The following PTPRD variants were observed in gnomAD, a reference collection of about 807,000 sequenced individuals.
PTPRD encodes protein tyrosine phosphatase receptor type D.
A neutral mutation model predicts 214.5 loss-of-function variants in PTPRD; 34 were observed. The observed-to-expected ratio is 0.16, with a 90% confidence interval of 0.12 to 0.21. PTPRD has a LOEUF of 0.21. PTPRD is among the 10% of genes least tolerant of loss of function. The probability of loss-of-function intolerance (pLI) is 1.00; values close to 1 mark genes in which losing one functional copy is unlikely to be tolerated. For synonymous variants in PTPRD, 1,128 were observed against 845.7 expected, an observed-to-expected ratio of 1.33 and a Z score of -5.79; for missense variants, 2,545 against 2,398.7, an observed-to-expected ratio of 1.06 and a Z score of -1.27.
intron 4 of PTPRD, among the ~76,000 whole-genome samples, chr9:9,992,759 A>G (rs1376415487): frequency 6.6e-6 from 1 of 151,516 alleles, no homozygotes; most frequent in Non-Finnish European, 1.5e-5. Context: ...ATGAGAACAC[A>G]TGGACACAGG....
At chr9:9,597,813 A>C (rs1476915667) in intron 7 of PTPRD, among the ~76,000 whole-genome samples, 1 of 152,078 alleles carries the variant, frequency 6.6e-6, no homozygotes, top group Non-Finnish European at 1.5e-5. Context: ...CATTTGAGAA[A>C]TTTGGCAGCA....
intron 8 of PTPRD, among the ~76,000 whole-genome samples, chr9:9,474,854 A>G (rs1005369375): frequency 1.3e-5 from 2 of 152,072 alleles, no homozygotes; most frequent in African/African-American, 4.8e-5. Flanking sequence ...AGATTTTTAC[A>G]TATGTAAGAT....
chr9:9,794,545 C>T (rs1768869), intron 5 of PTPRD, among the ~76,000 whole-genome samples: 109,931 of 151,876 alleles, frequency 0.72, 40,237 homozygotes, highest in African/African-American at 0.83. Context: ...GGATACTGAA[C>T]GATAAGCTAA....
At chr9:8,530,311 A>C (rs2075355150) in intron 14 of PTPRD, among the ~76,000 whole-genome samples, 1 of 151,734 alleles carries the variant, frequency 6.6e-6, no homozygotes, top group African/African-American at 2.4e-5. Flanking sequence ...TTAGGGATCA[A>C]CTCTCTCATA....
At chr9:10,386,181 G>C (rs1283818609) in intron 2 of PTPRD, among the ~76,000 whole-genome samples, 1 of 151,946 alleles carries the variant, frequency 6.6e-6, no homozygotes, top group East Asian at 2.0e-4. Context: ...CCAAGGTTTA[G>C]AGCGAGTTTA....
intron 12 of PTPRD, among the ~76,000 whole-genome samples, chr9:8,641,699 G>T (rs1385842099): frequency 6.6e-6 from 1 of 152,272 alleles, no homozygotes; most frequent in East Asian, 1.9e-4. Flanking sequence ...CACAACACAG[G>T]CCATAGCTCC....
rs2076730931 is a variant in PTPRD, at chr9:9,902,913, C to T, written c.-368+35594G>A. ...CTACATTTTTTTGTTTGTGTAATAT[C>T]AAAAGTGTGACGTTGGCTAACAGTG... On this transcript the variant is annotated intron_variant, in intron 5 of 45. Coordinates refer to ENST00000381196, the MANE Select transcript of PTPRD (RefSeq NM_002839.4). Among the ~76,000 whole-genome samples, 3 of 152,038 alleles carry T rather than the reference C, an allele frequency of 2.0e-5. No homozygotes were observed. In the South Asian group the frequency reaches 6.2e-4, roughly 32 times the overall value.
intron 5 of PTPRD, among the ~76,000 whole-genome samples, chr9:9,833,808 T>C (rs1282671028): frequency 1.3e-5 from 2 of 152,098 alleles, no homozygotes; most frequent in South Asian, 4.1e-4. Flanking sequence ...TATGGCTCTG[T>C]TCTGCCCGGC....
intron 2 of PTPRD, among the ~76,000 whole-genome samples, chr9:10,350,628 G>C (rs954590974): frequency 2.1e-4 from 32 of 152,056 alleles, no homozygotes; most frequent in Admixed American, 6.6e-4. Context: ...TCTAAGATCA[G>C]GATCTTGGTT....
At chr9:10,204,622 T>G (rs548386684) in intron 3 of PTPRD, among the ~76,000 whole-genome samples, 1 of 152,304 alleles carries the variant, frequency 6.6e-6, no homozygotes, top group South Asian at 2.1e-4. Flanking sequence ...CTTAGTAATG[T>G]GTATAACTAT....
intron 9 of PTPRD, among the ~76,000 whole-genome samples, chr9:9,332,070 T>C (rs1013149871): frequency 1.3e-5 from 2 of 152,032 alleles, no homozygotes; most frequent in Admixed American, 6.6e-5. Flanking sequence ...TCTGTTCACA[T>C]GTAGAGGTGA....
intron 12 of PTPRD, among the ~76,000 whole-genome samples, chr9:8,716,621 T>A (rs1278084767): frequency 6.6e-6 from 1 of 152,088 alleles, no homozygotes. Context: ...CTCAATATTA[T>A]TGTAAAACCT....
At chr9:10,443,590 T>C (rs1177969562) in intron 2 of PTPRD, among the ~76,000 whole-genome samples, 3 of 151,722 alleles carry the variant, frequency 2.0e-5, no homozygotes, top group Non-Finnish European at 3.0e-5. Flanking sequence ...TACCTTAATG[T>C]TACATTACTT....
At chr9:10,410,766 G>T (rs903288314) in intron 2 of PTPRD, among the ~76,000 whole-genome samples, 5 of 151,682 alleles carry the variant, frequency 3.3e-5, no homozygotes, top group African/African-American at 1.2e-4. Context: ...TAAAAGTAAA[G>T]AAGTGTAAGA....
At chr9:10,357,786 G>A (rs190263901) in intron 2 of PTPRD, among the ~76,000 whole-genome samples, 26 of 152,288 alleles carry the variant, frequency 1.7e-4, no homozygotes, top group Non-Finnish European at 3.5e-4. Context: ...TAGGCACTAA[G>A]TATATGCAAT....
chr9:8,965,258 C>A (rs2099186480), intron 11 of PTPRD, among the ~76,000 whole-genome samples: 1 of 151,904 alleles, frequency 6.6e-6, no homozygotes, highest in Non-Finnish European at 1.5e-5. Context: ...TGGCACATGC[C>A]TATCTCAGCT....
chr9:9,480,545 A>G (rs1158279699), intron 8 of PTPRD, among the ~76,000 whole-genome samples: 1 of 152,194 alleles, frequency 6.6e-6, no homozygotes, highest in Non-Finnish European at 1.5e-5. Context: ...ATATTTAAAA[A>G]AAATGTTAGA....
At chr9:9,697,880 G>C (rs937942057) in intron 7 of PTPRD, among the ~76,000 whole-genome samples, 1 of 151,904 alleles carries the variant, frequency 6.6e-6, no homozygotes, top group Non-Finnish European at 1.5e-5. Flanking sequence ...TTTGCAAATA[G>C]CCTGTCTTTG....
chr9:8,761,934 C>G (rs1598992271), intron 11 of PTPRD, among the ~76,000 whole-genome samples: 1 of 152,106 alleles, frequency 6.6e-6, no homozygotes, highest in East Asian at 1.9e-4. Context: ...AAACCAAGGT[C>G]CCTAAGGCAC....
Sources: allele counts gnomAD v4.1 joint callset (sites outside exome capture counted in the v4.1 genomes callset), GRCh38; gene constraint gnomAD v4.1.1; transcripts MANE v1.5; gene names NCBI Gene and HGNC (gene_info 2026-07-23, HGNC 2026-07-21).